NSMCE2: variants seen among roughly 807,000 people sequenced by gnomAD.
NSMCE2 encodes NSE2 SUMO ligase component of SMC5/6 complex, also known as E3 SUMO-protein ligase NSE2.
Under a neutral mutation model 23.8 loss-of-function variants are expected in NSMCE2, and 24 were observed. The ratio of observed to expected loss-of-function variants is 1.01; its 90% CI spans 0.73 to 1.42. The LOEUF is 1.42. NSMCE2 is among the 40% of genes most tolerant of loss of function. The pLI is 0.00. For synonymous variants in NSMCE2, 92 were observed against 94.1 expected (o/e 0.98, Z 0.13); for missense variants, 284 against 296.5 (o/e 0.96, Z 0.31).
chr8:125,285,147 C>G (rs1827844545), intron 5 of NSMCE2, among the ~76,000 whole-genome samples: 1 of 152,186 alleles, frequency 6.6e-6, no homozygotes, highest in Admixed American at 6.5e-5. Flanking sequence ...TAAAATGGCA[C>G]AGTTTGCTTT....
intron 5 of NSMCE2, among the ~76,000 whole-genome samples, chr8:125,185,811 GA>G (rs1377095234): frequency 7.2e-5 from 11 of 152,192 alleles, no homozygotes; most frequent in Admixed American, 7.2e-4. Context: ...TTATTGAGAA[GA>G]GTGGCATTCT....
intron 5 of NSMCE2, among the ~76,000 whole-genome samples, chr8:125,340,010 T>TG (rs1830182860): frequency 8.8e-6 from 1 of 113,710 alleles, no homozygotes; most frequent in Non-Finnish European, 2.0e-5. Context: ...TAGTTTTTTT[T>TG]TGTTTTTTTT....
intron 3 of NSMCE2, among the ~76,000 whole-genome samples, chr8:125,103,665 T>C (rs1300709880): frequency 6.6e-6 from 1 of 152,258 alleles, no homozygotes; most frequent in Non-Finnish European, 1.5e-5. Context: ...TGATAGATTT[T>C]TTCCAGTCTT....
chr8:125,319,375 G>A (rs957494660), intron 5 of NSMCE2, among the ~76,000 whole-genome samples: 1 of 152,108 alleles, frequency 6.6e-6, no homozygotes, highest in African/African-American at 2.4e-5. Flanking sequence ...ATAAGGGAGG[G>A]AAAATCAACC....
chr8:125,154,696 T>G (rs1292619577), intron 4 of NSMCE2, among the ~76,000 whole-genome samples: 1 of 152,180 alleles, frequency 6.6e-6, no homozygotes, highest in Non-Finnish European at 1.5e-5. Context: ...CTATATGAAC[T>G]TTTTTGATAT....
chr8:125,191,288 T>C (rs1205947701), intron 5 of NSMCE2, among the ~76,000 whole-genome samples: 1 of 152,184 alleles, frequency 6.6e-6, no homozygotes, highest in Non-Finnish European at 1.5e-5. Context: ...GATGCTGAAA[T>C]TCATACCCAG....
chr8:125,329,603 C>T (rs7815471), intron 5 of NSMCE2, among the ~76,000 whole-genome samples: 66,921 of 151,958 alleles, frequency 0.44, 17,027 homozygotes, highest in East Asian at 0.55. Context: ...TAGCTTGTTC[C>T]GATATACTGG....
At chr8:125,270,690 C>T (rs1256619087) in intron 5 of NSMCE2, 1 of 152,234 alleles carries the variant, frequency 6.6e-6, no homozygotes, top group Non-Finnish European at 1.5e-5. Flanking sequence ...TTCTGGGCTA[C>T]AGTACAGTAT....
chr8:125,252,720 A>G (rs1826248971), intron 5 of NSMCE2, among the ~76,000 whole-genome samples: 2 of 152,232 alleles, frequency 1.3e-5, no homozygotes, highest in Non-Finnish European at 2.9e-5. Flanking sequence ...TTAAAAATCA[A>G]TCATGCTTAT....
intron 3 of NSMCE2, chr8:125,130,117 C>T: frequency 9.0e-6 from 3 of 332,108 alleles, no homozygotes; most frequent in African/African-American, 2.2e-5. Context: ...TTCTTGTAAT[C>T]CTGACAGTTT....
At chr8:125,137,084 A>AT (rs34095232) in intron 3 of NSMCE2, among the ~76,000 whole-genome samples, 14,949 of 150,844 alleles carry the variant, frequency 0.099, 943 homozygotes, top group South Asian at 0.17. Context: ...TGAAATCAAA[A>AT]TTTTTTTTTT....
chr8:125,293,515 A>G (rs773457131), intron 5 of NSMCE2, among the ~76,000 whole-genome samples: 1 of 134,406 alleles, frequency 7.4e-6, no homozygotes, highest in Non-Finnish European at 1.6e-5. Context: ...CGTTCAATAA[A>G]TGATCACTGA....
intron 5 of NSMCE2, among the ~76,000 whole-genome samples, chr8:125,282,804 CTG>C (rs2131132417): frequency 6.6e-6 from 1 of 152,378 alleles, no homozygotes; most frequent in East Asian, 1.9e-4. Context: ...CACCAGTGAC[CTG>C]TGTTATACAC....
intron 5 of NSMCE2, among the ~76,000 whole-genome samples, chr8:125,215,503 C>T (rs2130899912): frequency 6.6e-6 from 1 of 152,044 alleles, no homozygotes; most frequent in Non-Finnish European, 1.5e-5. Context: ...AATAAACATA[C>T]GTGTGCATGG....
chr8:125,167,695 G>A (rs1182234123), intron 4 of NSMCE2, among the ~76,000 whole-genome samples: 1 of 151,934 alleles, frequency 6.6e-6, no homozygotes, highest in Non-Finnish European at 1.5e-5. Flanking sequence ...TATGCTAAAG[G>A]GATGGGAATA....
intron 5 of NSMCE2, among the ~76,000 whole-genome samples, chr8:125,201,767 T>C (rs1823888972): frequency 6.6e-6 from 1 of 152,260 alleles, no homozygotes; most frequent in Admixed American, 6.5e-5. Context: ...AAGTTTCTGC[T>C]GCCTTTTGTT....
intron 3 of NSMCE2, among the ~76,000 whole-genome samples, chr8:125,136,879 A>G (rs539912122): frequency 6.6e-6 from 1 of 152,300 alleles, no homozygotes; most frequent in South Asian, 2.1e-4. Flanking sequence ...CAATATAAGT[A>G]AGGAAAAAAT....
chr8:125,337,849 C>T (rs940045518), intron 5 of NSMCE2, among the ~76,000 whole-genome samples: 4 of 139,926 alleles, frequency 2.9e-5, no homozygotes, highest in Admixed American at 2.3e-4. Context: ...GAGCCAAGAT[C>T]GCACCATTGC....
chr8:125,246,426 C>T (rs566988468), intron 5 of NSMCE2, among the ~76,000 whole-genome samples: 16 of 152,252 alleles, frequency 1.1e-4, no homozygotes, highest in Non-Finnish European at 1.3e-4. Flanking sequence ...TTGTGATCCA[C>T]CCGCCTCCTC....
Sources: gnomAD v4.1 joint callset for allele counts (sites outside exome capture counted in the v4.1 genomes callset) on GRCh38, gnomAD v4.1.1 for gene constraint, MANE v1.5 for transcripts, NCBI Gene and HGNC (gene_info 2026-07-23, HGNC 2026-07-21) for gene names.